Variants in PAQR9 observed in about 807,000 individuals in gnomAD.
PAQR9 encodes the protein membrane progestin receptor epsilon.
In PAQR9, 12 loss-of-function variants were observed where a neutral mutation model predicts 24.0. The observed-to-expected ratio is 0.50, with a 90% CI of 0.32 to 0.81. The LOEUF (loss-of-function observed/expected upper bound fraction) is 0.81. PAQR9 is among the 30% of genes least tolerant of loss of function. The pLI is 0.03. For synonymous variants in PAQR9, 266 were observed against 237.6 expected, an observed-to-expected ratio of 1.12 and a Z score of -1.10; for missense variants, 418 against 520.8, an observed-to-expected ratio of 0.80 and a Z score of 1.92.
Position 142,963,197 on chromosome 3 carries a change from C to A in PAQR9, c.140G>T (p.Trp47Leu). Residue 47 changes from tryptophan (W) to leucine (L), a missense_variant, in exon 1 of 1, where the codon TGG becomes TTG. By Grantham distance (61) the Trp-to-Leu change is moderately conservative. Transcript: ENST00000340634. ...PPASAKPLLR[W>L]DEVPDDFVEC... ...CACGAAGTCGTCGGGCACCTCGTCC[C>A]AGCGCAGCAGCGGCTTGGCAGACGC... 6.3e-7 allele frequency: 1 copy of A among 1,576,376 alleles called. No homozygotes were observed. The highest frequency in any genetic ancestry group is 8.6e-7 in the Non-Finnish European group (1 of 1,161,462).
At chr3:142,954,280 AACAGAAAGG>A (rs1934760248), downstream of PAQR9, among the ~76,000 whole-genome samples, 1 of 152,228 alleles carries the variant, frequency 6.6e-6, no homozygotes, top group Non-Finnish European at 1.5e-5. Context: ...GCTTTTGAAA[AACAGAAAGG>A]TGGAAGAAAA....
rs1934960217 is a variant in PAQR9, at chr3:142,963,572, C to A, written c.-236G>T. The A allele has an allele frequency of 2.1e-6, 2 of 944,898 alleles. No homozygotes were observed. The highest frequency in any genetic ancestry group is 2.5e-6 in the Non-Finnish European group (2 of 792,976). The allele number at this position is 944,898 out of a possible 1,614,324, so 58.5% of individuals were successfully genotyped here. Reference sequence around the variant, plus strand: ...CCAGGAGCGCGGAGCGCGCGAGGCTCAGCGGCTTCCTCGCCAAGCCCCTGC... The same window carrying A: ...CCAGGAGCGCGGAGCGCGCGAGGCTAAGCGGCTTCCTCGCCAAGCCCCTGC... On this transcript the variant is annotated 5_prime_UTR_variant, in exon 1 of 1. Transcript: ENST00000340634.
At position 142,962,472 on chromosome 3, in the gene PAQR9, A is replaced by C; in HGVS notation, c.865T>G (p.Phe289Val). Residue 289 changes from phenylalanine to valine, a missense_variant, in exon 1 of 1, where the codon TTC (phenylalanine) becomes GTC (valine). By Grantham distance (50) the Phe-to-Val change is conservative. Around this residue, in one of 3 missense-constraint regions of PAQR9, gnomAD observed 230 missense variants for 305.2 expected, o/e 0.75. Coordinates refer to ENST00000340634, the MANE Select transcript of PAQR9 (RefSeq NM_198504.4). Reference sequence around the variant, plus strand: ...TCGGGGATCTTGCTCACGTTGAAGAAGGCGGCCACCACCAGCCAGAAGTAG... The same window carrying C: ...TCGGGGATCTTGCTCACGTTGAAGACGGCGGCCACCACCAGCCAGAAGTAG... ...RRYFWLVVAAFFNVSKIPERI... is the reference protein window; with the variant it reads ...RRYFWLVVAAVFNVSKIPERI... 1 of 1,613,472 alleles carries C rather than the reference A, an allele frequency of 6.2e-7. No homozygotes were observed. The highest frequency in any genetic ancestry group is 8.5e-7 in the Non-Finnish European group (1 of 1,179,830).
At position 142,955,832 on chromosome 3, in the gene PAQR9, G is replaced by C. The variant is rs190944921; in HGVS notation, c.*6371C>G. ...ATTTTTAAAAAGACTTTTAAATTTA[G>C]CCATGAGACACACCTAAAACCTATC... On this transcript the variant is annotated 3_prime_UTR_variant, in exon 1 of 1. Transcript: ENST00000340634. 4.7e-4 allele frequency among the ~76,000 whole-genome samples: 71 copies of C among 152,236 alleles called. 1 individual carries two copies. The highest frequency in any genetic ancestry group is 1.7e-3 in the African/African-American group (70 of 41,554).
rs1179300830 is a variant in PAQR9, at chr3:142,959,781, T to C, written c.*2422A>G. 2.0e-5 allele frequency among the ~76,000 whole-genome samples: 3 copies of C among 152,230 alleles called. No homozygotes were observed. The highest frequency in any genetic ancestry group is 4.4e-5 in the Non-Finnish European group (3 of 68,046). ...AATGACAAATTTGGTGTTTTAGTTATTGTTCTCAAACTCATTAATCCTTGC... is the reference window on the plus strand; with the variant it reads ...AATGACAAATTTGGTGTTTTAGTTACTGTTCTCAAACTCATTAATCCTTGC... On this transcript the variant is annotated 3_prime_UTR_variant, in exon 1 of 1. Transcript: ENST00000340634.
At chr3:142,952,911 G>T, downstream of PAQR9, 1 of 455,302 alleles carries the variant, frequency 2.2e-6, no homozygotes, top group Non-Finnish European at 4.4e-6. Context: ...GCAGATGAAG[G>T]GAAGTATGGG....
Position 142,962,971 on chromosome 3 carries a change from C to T in PAQR9, c.366G>A (p.Leu122=), listed in dbSNP as rs9844480. Residue 122 remains leucine (L), a synonymous_variant, in exon 1 of 1, where the codon TTG becomes TTA. Coordinates refer to ENST00000340634, the MANE Select transcript of PAQR9 (RefSeq NM_198504.4). The part of the protein sequence containing the change: ...VPFHHPWLLP[L]WCYASGVLLT... ...GCAGCACTCCCGACGCGTAGCACCA[C>T]AACGGTAGCAGCCACGGGTGGTGGA... The T allele has an allele frequency of 0.02, 32,336 of 1,614,070 alleles. 618 individuals carry two copies. The highest frequency in any genetic ancestry group is 0.096 in the African/African-American group (7,187 of 75,046).
downstream of PAQR9, among the ~76,000 whole-genome samples, chr3:142,953,813 C>T (rs1311518817): frequency 6.6e-6 from 1 of 152,168 alleles, no homozygotes; most frequent in Non-Finnish European, 1.5e-5. Flanking sequence ...TCCATGTGAC[C>T]TCAGGTAGGC....
chr3:142,959,524 C>T lies in PAQR9; in HGVS notation c.*2679G>A, dbSNP rs188242607. ...AGATGGAATAGGAAAGAACAGTGGA[C>T]GAAGGAAAAGGCAAAGGGAAGAGGA... On this transcript the variant is annotated 3_prime_UTR_variant, in exon 1 of 1. Transcript: ENST00000340634. Among the ~76,000 whole-genome samples, 142 of 152,170 alleles carry T rather than the reference C, an allele frequency of 9.3e-4. No homozygotes were observed. The highest frequency in any genetic ancestry group is 3.2e-3 in the African/African-American group (132 of 41,528).
At position 142,959,571 on chromosome 3, in the gene PAQR9, G is replaced by A. The variant is rs1387993448; in HGVS notation, c.*2632C>T. Among the ~76,000 whole-genome samples, 1 of 152,154 alleles carries A rather than the reference G, an allele frequency of 6.6e-6. No homozygotes were observed. The highest frequency in any genetic ancestry group is 2.4e-5 in the African/African-American group (1 of 41,432). On this transcript the variant is annotated 3_prime_UTR_variant, in exon 1 of 1. Coordinates refer to ENST00000340634, the MANE Select transcript of PAQR9 (RefSeq NM_198504.4). ...AGGAAAGTGAATCCTCATTCTCTCTGGGACATACTGGGTGCTGAAACCTGT... is the reference window on the plus strand; with the variant it reads ...AGGAAAGTGAATCCTCATTCTCTCTAGGACATACTGGGTGCTGAAACCTGT...
At position 142,959,216 on chromosome 3, in the gene PAQR9, T is replaced by A. The variant is rs1333393070; in HGVS notation, c.*2987A>T. Among the ~76,000 whole-genome samples, 1 of 152,192 alleles carries A rather than the reference T, an allele frequency of 6.6e-6. No homozygotes were observed. Among genetic ancestry groups the A allele is most frequent in the African/African-American group, 2.4e-5 (1 of 41,446 alleles). On this transcript the variant is annotated 3_prime_UTR_variant, in exon 1 of 1. Transcript: ENST00000340634. ...AATTTTAATGTGGCAAAATGGAAAG[T>A]GTGAAAAATATTTTAAAATATATAT... is the stretch of plus-strand genomic sequence containing the variant.
rs1433095593 is a variant in PAQR9, at chr3:142,959,210, G to A, written c.*2993C>T. Among the ~76,000 whole-genome samples the A allele has an allele frequency of 6.6e-6, 1 of 152,174 alleles. No individual in the cohort carries two copies. The highest frequency in any genetic ancestry group is 1.9e-4 in the East Asian group (1 of 5,192). On this transcript the variant is annotated 3_prime_UTR_variant, in exon 1 of 1. Transcript: ENST00000340634. ...AAACTGAATTTTAATGTGGCAAAAT[G>A]GAAAGTGTGAAAAATATTTTAAAAT...
downstream of PAQR9, among the ~76,000 whole-genome samples, chr3:142,951,389 A>T (rs1486366015): frequency 6.6e-6 from 1 of 152,224 alleles, no homozygotes; most frequent in Non-Finnish European, 1.5e-5. Context: ...TGTCTGATTC[A>T]GAACCTGCTT....
chr3:142,963,507 A>G lies in PAQR9; in HGVS notation c.-171T>C. ...AGCAGCCGCTCCTAAAAATTAAATA[A>G]ATCAATAAGAGAATCAATTAATAGG... On this transcript the variant is annotated 5_prime_UTR_variant, in exon 1 of 1. Coordinates refer to ENST00000340634, the MANE Select transcript of PAQR9 (RefSeq NM_198504.4). 9.8e-7 allele frequency: 1 copy of G among 1,020,598 alleles called. No homozygotes were observed. Among genetic ancestry groups the G allele is most frequent in the Non-Finnish European group, 1.2e-6 (1 of 855,066 alleles). 63.2% of individuals were successfully genotyped at this position (1,020,598 alleles called of 1,614,324 possible). A position where few individuals can be genotyped will look rare whatever the true frequency, so the allele number is the denominator to read the frequency against.
downstream of PAQR9, chr3:142,951,548 A>T (rs535922121): frequency 2.7e-6 from 1 of 368,114 alleles, no homozygotes; most frequent in Admixed American, 3.6e-5. Context: ...AGACAACAGA[A>T]TCTACTGAAG....
At chr3:142,953,780 C>T (rs1226212954), downstream of PAQR9, among the ~76,000 whole-genome samples, 4 of 152,194 alleles carry the variant, frequency 2.6e-5, no homozygotes, top group South Asian at 4.1e-4. Context: ...ATCACAGGCA[C>T]CCATACCTTG....
chr3:142,951,778 A>T (rs750899676), downstream of PAQR9: 1 of 456,666 alleles, frequency 2.2e-6, no homozygotes. Flanking sequence ...GAGAAAATTG[A>T]TGTCAGGCAT....
chr3:142,961,517 C>G lies in PAQR9; in HGVS notation c.*686G>C, dbSNP rs1934889519. 1 of 152,762 alleles carries G rather than the reference C, an allele frequency of 6.5e-6. No homozygotes were observed. Among genetic ancestry groups the G allele is most frequent in the Non-Finnish European group, 1.5e-5 (1 of 68,184 alleles). 9.5% of individuals were successfully genotyped at this position (152,762 alleles called of 1,614,324 possible). ...ACTCTCAAGCAGCTTCCCCTGATGT[C>G]CAGTTCAAGTGTATGCAATGCAGAA... On this transcript the variant is annotated 3_prime_UTR_variant, in exon 1 of 1. Transcript: ENST00000340634.
rs1226025423 is a variant in PAQR9, at chr3:142,956,380, C to T, written c.*5823G>A. ...GTATAAGGCATGAGGGAAAGGTGGC[C>T]TGTCACTTTTACACATTGGAGAATA... On this transcript the variant is annotated 3_prime_UTR_variant, in exon 1 of 1. Coordinates refer to ENST00000340634, the MANE Select transcript of PAQR9 (RefSeq NM_198504.4). 6.6e-6 allele frequency among the ~76,000 whole-genome samples: 1 copy of T among 152,126 alleles called. No individual in the cohort carries two copies. The highest frequency in any genetic ancestry group is 2.4e-5 in the African/African-American group (1 of 41,422).
Sources: allele counts gnomAD v4.1 joint callset (sites outside exome capture counted in the v4.1 genomes callset), GRCh38; gene constraint gnomAD v4.1.1; regional missense constraint gnomAD v4.1.1; transcripts MANE v1.5; gene names NCBI Gene and HGNC (gene_info 2026-07-23, HGNC 2026-07-21).